Variants in APBB2 observed in about 807,000 individuals in gnomAD.
APBB2 encodes Fe65-like 1.
Under a neutral mutation model 82.5 loss-of-function variants are expected in APBB2, and 38 were observed. That is an observed-to-expected ratio of 0.46 (90% confidence interval 0.36 to 0.60). The LOEUF (loss-of-function observed/expected upper bound fraction) is 0.60, where lower values mean the gene tolerates loss of function less well. APBB2 is among the 20% of genes least tolerant of loss of function. The pLI is 0.00. For synonymous variants in APBB2, 341 were observed against 368.2 expected, an observed-to-expected ratio of 0.93 and a Z score of 0.85; for missense variants, 772 against 972.3, an observed-to-expected ratio of 0.79 and a Z score of 2.74.
At chr4:40,982,400 G>GGAAAGGAAAGGAA (rs1799221259) in intron 6 of APBB2, among the ~76,000 whole-genome samples, 1 of 16,046 alleles carries the variant, frequency 6.2e-5, no homozygotes, top group African/African-American at 2.0e-4. Context: ...GGAAAGGAAA[G>GGAAAGGAAAGGAA]GAAAGAAAGA....
At chr4:40,819,349 C>T (rs1747006653) in intron 17 of APBB2, among the ~76,000 whole-genome samples, 1 of 151,980 alleles carries the variant, frequency 6.6e-6, no homozygotes. Flanking sequence ...CCACGCTCGG[C>T]TAATTTTTGT....
chr4:41,033,408 C>A, intron 4 of APBB2, 104 bp from the exon 5 acceptor site: 1 of 715,800 alleles, frequency 1.4e-6, no homozygotes. Flanking sequence ...TTATATATAC[C>A]AAACAAATTT....
At chr4:41,152,411 C>T (rs1350192105) in intron 1 of APBB2, among the ~76,000 whole-genome samples, 3 of 139,760 alleles carry the variant, frequency 2.1e-5, no homozygotes, top group African/African-American at 8.1e-5. Flanking sequence ...CAAGCTCCGC[C>T]TCCTGCGTTC....
chr4:41,007,921 C>T (rs988941832), intron 6 of APBB2, among the ~76,000 whole-genome samples: 3 of 152,104 alleles, frequency 2.0e-5, no homozygotes, highest in Non-Finnish European at 2.9e-5. Context: ...AACATGATAG[C>T]AGAAACTTAG....
At chr4:40,931,549 A>G (rs916187436) in intron 10 of APBB2, among the ~76,000 whole-genome samples, 3 of 152,194 alleles carry the variant, frequency 2.0e-5, no homozygotes, top group South Asian at 4.1e-4. Flanking sequence ...CCAGCTTGCA[A>G]AAGTCCTTTC....
intron 1 of APBB2, among the ~76,000 whole-genome samples, chr4:41,204,280 G>A (rs1424935290): frequency 2.0e-5 from 3 of 152,206 alleles, no homozygotes; most frequent in Admixed American, 2.0e-4. Context: ...GGGATGATAT[G>A]CCCAGATCTG....
intron 6 of APBB2, among the ~76,000 whole-genome samples, chr4:40,978,513 A>C (rs1797721359): frequency 1.3e-5 from 2 of 152,242 alleles, no homozygotes. Context: ...AAAAATATTC[A>C]ATCATATTTA....
At chr4:40,850,950 A>C (rs1213673459) in intron 12 of APBB2, among the ~76,000 whole-genome samples, 1 of 152,166 alleles carries the variant, frequency 6.6e-6, no homozygotes, top group Non-Finnish European at 1.5e-5. Flanking sequence ...CGTCTCAAAA[A>C]AAAAATTTTT....
At chr4:41,017,191 CCAGCCTGTATATGT>C (rs1353190040) in intron 5 of APBB2, among the ~76,000 whole-genome samples, 1 of 152,134 alleles carries the variant, frequency 6.6e-6, no homozygotes, top group Non-Finnish European at 1.5e-5. Flanking sequence ...ACCACCAGGC[CCAGCCTGTATATGT>C]TGTTTTTATA....
intron 5 of APBB2, among the ~76,000 whole-genome samples, chr4:41,022,685 C>A (rs1043983055): frequency 4.6e-5 from 7 of 152,200 alleles, no homozygotes; most frequent in African/African-American, 1.7e-4. Flanking sequence ...CCAACCAGCA[C>A]AGAGGCCTAG....
intron 12 of APBB2, among the ~76,000 whole-genome samples, chr4:40,838,329 A>ATTTTTT (rs780767835): frequency 1.4e-4 from 10 of 72,270 alleles, no homozygotes; most frequent in African/African-American, 2.4e-4. Context: ...CACATGGCTA[A>ATTTTTT]TTTTTTTTTT....
intron 3 of APBB2, chr4:41,084,689 A>G (rs1016318197): frequency 6.6e-6 from 1 of 152,242 alleles, no homozygotes; most frequent in Non-Finnish European, 1.5e-5. Flanking sequence ...ATGACATGCA[A>G]ATTTGTGAAG....
intron 3 of APBB2, among the ~76,000 whole-genome samples, chr4:41,072,323 A>G (rs1734171142): frequency 6.6e-6 from 1 of 152,176 alleles, no homozygotes; most frequent in Admixed American, 6.5e-5. Context: ...GAGGCAACAG[A>G]GGGCTGTTTA....
At chr4:40,914,482 G>A (rs1322198682) in intron 10 of APBB2, among the ~76,000 whole-genome samples, 5 of 152,232 alleles carry the variant, frequency 3.3e-5, no homozygotes, top group Non-Finnish European at 7.3e-5. Flanking sequence ...AACCCAGGAG[G>A]CGGGGGTTGC....
chr4:40,881,773 A>T (rs1008640698), intron 12 of APBB2, among the ~76,000 whole-genome samples: 2 of 151,744 alleles, frequency 1.3e-5, no homozygotes. Flanking sequence ...GCCTCAAGTG[A>T]TCCGCCTGCC....
At chr4:40,938,355 G>GT (rs1286035523) in intron 7 of APBB2, among the ~76,000 whole-genome samples, 3 of 152,184 alleles carry the variant, frequency 2.0e-5, no homozygotes, top group African/African-American at 7.2e-5. Context: ...AATGCCCGGG[G>GT]TATGGCACTC....
chr4:40,982,394 A>AAGGAAG (rs1560449140), intron 6 of APBB2, among the ~76,000 whole-genome samples: 3 of 59,972 alleles, frequency 5.0e-5, no homozygotes, highest in African/African-American at 1.3e-4. Context: ...AAGGAAGGAA[A>AAGGAAG]GGAAAGGAAA....
intron 2 of APBB2, among the ~76,000 whole-genome samples, chr4:41,122,873 C>T (rs996760292): frequency 9.2e-5 from 14 of 152,260 alleles, no homozygotes; most frequent in African/African-American, 3.4e-4. Context: ...ACCTGTCCCT[C>T]GCCCCACCAA....
chr4:40,821,921 A>T lies in APBB2; in HGVS notation c.2062T>A (p.Cys688Ser). Reference sequence around the variant, plus strand: ...GACACGTTACCAGCATTAGGCTCGCACCAGAAAACGTGGCACTCAAAGCGC... The same window carrying T: ...GACACGTTACCAGCATTAGGCTCGCTCCAGAAAACGTGGCACTCAAAGCGC... ...NQRFECHVFW[C>S]EPNAGNVSEA... The change falls in exon 17 of 18, where the codon TGC (cysteine) becomes AGC (serine). Residue 688 changes from cysteine to serine, a missense_variant. Physicochemically the swap from Cys to Ser is moderately radical, Grantham distance 112. Transcript: ENST00000508593. The T allele has an allele frequency of 6.2e-7, 1 of 1,614,104 alleles. No homozygotes were observed. The highest frequency in any genetic ancestry group is 1.1e-5 in the South Asian group (1 of 91,076).
Sources: allele counts gnomAD v4.1 joint callset (sites outside exome capture counted in the v4.1 genomes callset), GRCh38; gene constraint gnomAD v4.1.1; transcripts MANE v1.5; gene names NCBI Gene and HGNC (gene_info 2026-07-23, HGNC 2026-07-21).